The following PIP4K2A variants were observed in gnomAD, a reference collection of about 807,000 sequenced individuals.
PIP4K2A encodes phosphatidylinositol 5-phosphate 4-kinase type-2 alpha.
Under a neutral mutation model 42.9 loss-of-function variants are expected in PIP4K2A, and 14 were observed. The ratio of observed to expected loss-of-function variants is 0.33; its 90% confidence interval spans 0.22 to 0.51. The LOEUF is 0.51. Ranked by LOEUF, PIP4K2A falls within the 20% of genes least tolerant of loss-of-function variation. PIP4K2A has a pLI of 0.97. For missense variants in PIP4K2A, 434 were observed against 519.8 expected (o/e 0.83, Z 1.61); for synonymous variants, 192 against 192.2 (o/e 1.00, Z 0.01).
intron 1 of PIP4K2A, among the ~76,000 whole-genome samples, chr10:22,702,395 T>G (rs1358911570): frequency 1.3e-5 from 2 of 152,232 alleles, no homozygotes; most frequent in East Asian, 3.8e-4. Flanking sequence ...AACAAGTCAG[T>G]AATAACACTG....
chr10:22,560,139 T>C (rs894321613), intron 6 of PIP4K2A, among the ~76,000 whole-genome samples: 1 of 152,166 alleles, frequency 6.6e-6, no homozygotes, highest in Non-Finnish European at 1.5e-5. Flanking sequence ...GGGAAATGAT[T>C]CCCTTCTATC....
intron 5 of PIP4K2A, 31 bp from the exon 6 acceptor site, chr10:22,567,920 G>A (rs763663635): frequency 3.1e-5 from 49 of 1,597,616 alleles, no homozygotes; most frequent in East Asian, 4.5e-5. Context: ...AAAAACATGC[G>A]CATGGGAGGC....
chr10:22,569,286 C>T (rs1001072063), intron 5 of PIP4K2A, among the ~76,000 whole-genome samples: 16 of 152,196 alleles, frequency 1.1e-4, no homozygotes, highest in African/African-American at 3.6e-4. Context: ...GCTGCTGGCC[C>T]AGGGAAAATG....
At chr10:22,631,190 A>G (rs1179086989) in intron 1 of PIP4K2A, among the ~76,000 whole-genome samples, 1 of 152,204 alleles carries the variant, frequency 6.6e-6, no homozygotes, top group Non-Finnish European at 1.5e-5. Context: ...CTTTTTGTAA[A>G]TAGTGATAAT....
At chr10:22,654,280 A>G (rs1839050784) in intron 1 of PIP4K2A, among the ~76,000 whole-genome samples, 2 of 152,180 alleles carry the variant, frequency 1.3e-5, no homozygotes, top group Admixed American at 1.3e-4. Context: ...TGAGCTGGAC[A>G]CTCACTCAGA....
intron 3 of PIP4K2A, among the ~76,000 whole-genome samples, chr10:22,607,355 T>C (rs761070453): frequency 3.3e-5 from 5 of 152,094 alleles, no homozygotes; most frequent in Non-Finnish European, 5.9e-5. Flanking sequence ...GGAATCAAGA[T>C]GAAGAGGAAG....
chr10:22,606,468 C>T (rs1345921254), intron 3 of PIP4K2A, among the ~76,000 whole-genome samples: 1 of 152,220 alleles, frequency 6.6e-6, no homozygotes, highest in Non-Finnish European at 1.5e-5. Flanking sequence ...TAAACCACAA[C>T]CCCAGGCCAT....
chr10:22,621,945 T>C (rs1838340193), intron 1 of PIP4K2A, among the ~76,000 whole-genome samples: 2 of 152,104 alleles, frequency 1.3e-5, no homozygotes, highest in South Asian at 4.1e-4. Flanking sequence ...GAAAGAACAA[T>C]GAGAGGAAGG....
At chr10:22,623,697 C>G (rs1838380164) in intron 1 of PIP4K2A, among the ~76,000 whole-genome samples, 1 of 152,164 alleles carries the variant, frequency 6.6e-6, no homozygotes, top group East Asian at 1.9e-4. Context: ...ATTTGCAGAT[C>G]ATACCATCTG....
At chr10:22,625,338 G>C (rs1195344112) in intron 1 of PIP4K2A, among the ~76,000 whole-genome samples, 1 of 152,150 alleles carries the variant, frequency 6.6e-6, no homozygotes, top group Non-Finnish European at 1.5e-5. Context: ...AAGATTTTCT[G>C]TAGTGTTAAA....
At chr10:22,571,385 TA>T (rs1836984258) in intron 5 of PIP4K2A, among the ~76,000 whole-genome samples, 1 of 152,214 alleles carries the variant, frequency 6.6e-6, no homozygotes, top group East Asian at 1.9e-4. Flanking sequence ...AACTGATTTT[TA>T]AAAAACTTAT....
chr10:22,712,913 G>GGGGTGTGTGTGTGTGTGT (rs775265774), intron 1 of PIP4K2A, among the ~76,000 whole-genome samples: 1 of 147,500 alleles, frequency 6.8e-6, no homozygotes, highest in African/African-American at 2.5e-5. Context: ...CTACATTGAG[G>GGGGTGTGTGTGTGTGTGT]GTGTGTGTGT....
At chr10:22,687,078 C>CATG (rs1378057876) in intron 1 of PIP4K2A, among the ~76,000 whole-genome samples, 1 of 151,164 alleles carries the variant, frequency 6.6e-6, no homozygotes, top group African/African-American at 2.4e-5. Context: ...CTGATATGCT[C>CATG]ATGATGCGGC....
At chr10:22,678,445 T>G (rs1433650390) in intron 1 of PIP4K2A, among the ~76,000 whole-genome samples, 1 of 152,102 alleles carries the variant, frequency 6.6e-6, no homozygotes, top group African/African-American at 2.4e-5. Context: ...TTCCCAAACC[T>G]TTCTGCATTT....
chr10:22,596,825 G>A (rs1050020765), intron 3 of PIP4K2A, among the ~76,000 whole-genome samples: 27 of 152,372 alleles, frequency 1.8e-4, no homozygotes, highest in African/African-American at 6.0e-4. Context: ...AACATCAGGT[G>A]GGCTGGTGTA....
At chr10:22,569,314 C>T (rs1398122165) in intron 5 of PIP4K2A, among the ~76,000 whole-genome samples, 2 of 152,112 alleles carry the variant, frequency 1.3e-5, no homozygotes, top group South Asian at 2.1e-4. Flanking sequence ...TTTCTCAGGG[C>T]GATTCAGAGC....
intron 1 of PIP4K2A, among the ~76,000 whole-genome samples, chr10:22,643,013 T>C (rs1278873261): frequency 1.3e-5 from 2 of 152,090 alleles, no homozygotes; most frequent in Non-Finnish European, 2.9e-5. Context: ...ACCTGCCTAT[T>C]TCATTAAGCA....
chr10:22,644,713 T>C (rs547940984), intron 1 of PIP4K2A, among the ~76,000 whole-genome samples: 6 of 152,374 alleles, frequency 3.9e-5, no homozygotes, highest in African/African-American at 1.4e-4. Flanking sequence ...CTCCGCCTCC[T>C]AGAATGTAAG....
intron 1 of PIP4K2A, among the ~76,000 whole-genome samples, chr10:22,652,358 T>C (rs1279173689): frequency 6.6e-6 from 1 of 152,102 alleles, no homozygotes; most frequent in Non-Finnish European, 1.5e-5. Flanking sequence ...TGACCTCAAG[T>C]GATCCGCCTG....
Sources: allele counts gnomAD v4.1 joint callset (sites outside exome capture counted in the v4.1 genomes callset), GRCh38; gene constraint gnomAD v4.1.1; transcripts MANE v1.5; gene names NCBI Gene and HGNC (gene_info 2026-07-23, HGNC 2026-07-21).